Variants in CHN2 observed in about 807,000 individuals in gnomAD.
The protein encoded by CHN2 is chimerin 2.
CHN2 carries 35 observed loss-of-function variants against 56.3 expected under a neutral mutation model. The observed-to-expected ratio is 0.62, with a 90% CI of 0.47 to 0.82. CHN2 has a LOEUF of 0.82. Among genes scored for constraint, CHN2 ranks in the 40% least tolerant of loss-of-function variants. The pLI is 0.00. For synonymous variants in CHN2, 210 were observed against 212.8 expected, an observed-to-expected ratio of 0.99 and a Z score of 0.12; for missense variants, 491 against 580.5, an observed-to-expected ratio of 0.85 and a Z score of 1.58.
intron 1 of CHN2, among the ~76,000 whole-genome samples, chr7:29,236,451 G>A (rs1034607804): frequency 3.9e-5 from 6 of 152,190 alleles, no homozygotes; most frequent in Admixed American, 6.5e-5. Context: ...GGAACTTGCC[G>A]TGGCCATTTG....
Position 29,512,947 on chromosome 7 carries a change from G to T in CHN2, c.*212G>T. ...GAAGGTGAGGGAAGCCCCTCACCTT[G>T]GGTCTTTTGCTGTGCCTCCTATGTA... On this transcript the variant is annotated 3_prime_UTR_variant, in exon 13 of 13. Coordinates refer to ENST00000222792, the MANE Select transcript of CHN2 (RefSeq NM_004067.4). 1.1e-5 allele frequency: 5 copies of T among 468,850 alleles called. No homozygotes were observed. Among genetic ancestry groups the T allele is most frequent in the South Asian group, 4.6e-5 (1 of 21,704 alleles). 29.0% of individuals were successfully genotyped at this position (468,850 alleles called of 1,614,324 possible).
At chr7:29,496,119 T>C (rs1789253774) in intron 8 of CHN2, 83 bp downstream of exon 8, 7 of 1,162,482 alleles carry the variant, frequency 6.0e-6, no homozygotes, top group Middle Eastern at 2.0e-4. Flanking sequence ...AGCTGGGAAA[T>C]GTGCTCAGAT....
intron 7 of CHN2, chr7:29,483,774 G>C: frequency 8.7e-7 from 1 of 1,144,320 alleles, no homozygotes; most frequent in Non-Finnish European, 1.1e-6. Context: ...CAACCCCAGA[G>C]GCCCGGCAGT....
chr7:29,275,897 G>C (rs989060469), intron 1 of CHN2, among the ~76,000 whole-genome samples: 4 of 152,138 alleles, frequency 2.6e-5, no homozygotes, highest in Non-Finnish European at 2.9e-5. Flanking sequence ...GCAGGTGACA[G>C]AATTAGATTT....
At chr7:29,373,237 C>T (rs935493630) in intron 3 of CHN2, among the ~76,000 whole-genome samples, 6 of 150,400 alleles carry the variant, frequency 4.0e-5, no homozygotes, top group Admixed American at 2.0e-4. Context: ...AGTGCAGTGG[C>T]GCTATCTTGA....
intron 3 of CHN2, among the ~76,000 whole-genome samples, chr7:29,389,450 T>A (rs1022811251): frequency 9.2e-5 from 14 of 152,178 alleles, no homozygotes; most frequent in Admixed American, 9.2e-4. Flanking sequence ...CTTGATTAAA[T>A]TACACGTCAT....
chr7:29,449,262 T>C (rs1784235905), intron 6 of CHN2, among the ~76,000 whole-genome samples: 1 of 152,050 alleles, frequency 6.6e-6, no homozygotes, highest in African/African-American at 2.4e-5. Context: ...GGTGAGTGTC[T>C]GAAAAAAAAT....
chr7:29,367,486 C>G (rs1338112468), intron 2 of CHN2, among the ~76,000 whole-genome samples: 1 of 152,152 alleles, frequency 6.6e-6, no homozygotes, highest in Non-Finnish European at 1.5e-5. Flanking sequence ...ACTAACATCT[C>G]AGAGAATCAC....
intron 6 of CHN2, among the ~76,000 whole-genome samples, chr7:29,418,781 G>C (rs973083240): frequency 2.6e-5 from 4 of 152,108 alleles, no homozygotes; most frequent in African/African-American, 9.7e-5. Context: ...CTGCCAGGAT[G>C]GTGCTTTTTT....
chr7:29,299,903 C>G (rs1793514619), intron 1 of CHN2, among the ~76,000 whole-genome samples: 1 of 151,992 alleles, frequency 6.6e-6, no homozygotes, highest in South Asian at 2.1e-4. Context: ...GAGGATGAAG[C>G]AACTTGGGGA....
At chr7:29,194,756 C>T (rs1783412065), upstream of CHN2, 3 of 456,034 alleles carry the variant, frequency 6.6e-6, no homozygotes, top group Admixed American at 9.0e-5. Flanking sequence ...TAAATAGCGG[C>T]GGCGGCAGCG....
intron 7 of CHN2, among the ~76,000 whole-genome samples, chr7:29,481,658 G>GT (rs5883215): frequency 0.3 from 38,687 of 130,740 alleles, 6,053 homozygotes; most frequent in East Asian, 0.45. Context: ...AATGCCTCCC[G>GT]TTTTTTTTTT....
chr7:29,368,234 T>C (rs1799327339), intron 3 of CHN2, among the ~76,000 whole-genome samples: 1 of 152,188 alleles, frequency 6.6e-6, no homozygotes, highest in Admixed American at 6.5e-5. Flanking sequence ...TAAACAACCT[T>C]TGTAAACACC....
At chr7:29,470,972 A>AG (rs1562633150) in intron 6 of CHN2, among the ~76,000 whole-genome samples, 2 of 152,350 alleles carry the variant, frequency 1.3e-5, no homozygotes, top group Admixed American at 1.3e-4. Flanking sequence ...AAAGTCATCT[A>AG]GGGCAAGAAG....
intron 1 of CHN2, among the ~76,000 whole-genome samples, chr7:29,349,169 T>G (rs1797691381): frequency 2.6e-5 from 4 of 152,224 alleles, no homozygotes; most frequent in Admixed American, 2.6e-4. Context: ...GGAAATTTTC[T>G]TATGGCACTC....
chr7:29,256,552 A>G (rs564641284), intron 1 of CHN2, among the ~76,000 whole-genome samples: 1 of 152,292 alleles, frequency 6.6e-6, no homozygotes, highest in South Asian at 2.1e-4. Flanking sequence ...TTCTGACCTC[A>G]TTACAAAGAA....
At chr7:29,359,861 A>C (rs1266308868) in intron 2 of CHN2, among the ~76,000 whole-genome samples, 2 of 152,230 alleles carry the variant, frequency 1.3e-5, no homozygotes, top group Non-Finnish European at 2.9e-5. Context: ...TTCTTTCTTA[A>C]GAGGCCAAGT....
At chr7:29,337,645 T>A (rs1170586865) in intron 1 of CHN2, among the ~76,000 whole-genome samples, 1 of 152,234 alleles carries the variant, frequency 6.6e-6, no homozygotes, top group Non-Finnish European at 1.5e-5. Context: ...CTTTCCTTCC[T>A]GCATACATTT....
At chr7:29,344,658 T>C (rs1343622546) in intron 1 of CHN2, among the ~76,000 whole-genome samples, 1 of 152,162 alleles carries the variant, frequency 6.6e-6, no homozygotes, top group Non-Finnish European at 1.5e-5. Context: ...GCCTATCTGC[T>C]TGACTGGGCT....
Sources: allele counts gnomAD v4.1 joint callset (sites outside exome capture counted in the v4.1 genomes callset), GRCh38; gene constraint gnomAD v4.1.1; transcripts MANE v1.5; gene names NCBI Gene and HGNC (gene_info 2026-07-23, HGNC 2026-07-21).